SAMD5: variants seen among roughly 807,000 people sequenced by gnomAD.
SAMD5 encodes the protein sterile alpha motif domain-containing protein 5.
Under a neutral mutation model 11.3 loss-of-function variants are expected in SAMD5, and 13 were observed. The observed-to-expected ratio is 1.15, with a 90% confidence interval of 0.75 to 1.83. SAMD5 has a LOEUF of 1.83. Ranked by LOEUF, SAMD5 falls within the 40% of genes most tolerant of loss-of-function variation. The probability of loss-of-function intolerance (pLI) is 0.00; values close to 1 mark genes in which losing one functional copy is unlikely to be tolerated. For synonymous variants in SAMD5, 129 were observed against 111.3 expected, an observed-to-expected ratio of 1.16 and a Z score of -1.00; for missense variants, 255 against 239.1, an observed-to-expected ratio of 1.07 and a Z score of -0.44.
downstream of SAMD5, among the ~76,000 whole-genome samples, chr6:147,570,545 C>T (rs1789121599): frequency 6.6e-6 from 1 of 152,072 alleles, no homozygotes; most frequent in South Asian, 2.1e-4. Context: ...AACTACTGTG[C>T]ATGCTTAACA....
chr6:147,795,900 C>T, the SAMD5 span, among the ~76,000 whole-genome samples: 17 of 152,078 alleles, frequency 1.1e-4, no homozygotes, highest in Admixed American at 5.9e-4. Context: ...TTCGCCCACT[C>T]TTTGATGGGG....
the SAMD5 span, among the ~76,000 whole-genome samples, chr6:147,871,689 G>A: frequency 6.6e-6 from 1 of 152,142 alleles, no homozygotes; most frequent in East Asian, 1.9e-4. Context: ...AGAACCTTAA[G>A]CAACTCACTT....
chr6:147,885,163 T>C, the SAMD5 span, among the ~76,000 whole-genome samples: 1 of 152,184 alleles, frequency 6.6e-6, no homozygotes, highest in Non-Finnish European at 1.5e-5. Context: ...ACAGCTCTTA[T>C]AGTGTTGTCT....
chr6:147,544,212 T>C (rs1328948019), intron 1 of SAMD5, among the ~76,000 whole-genome samples: 1 of 152,222 alleles, frequency 6.6e-6, no homozygotes, highest in African/African-American at 2.4e-5. Flanking sequence ...ATAGTATATT[T>C]AGATATGTCC....
intron 1 of SAMD5, among the ~76,000 whole-genome samples, chr6:147,667,696 A>G (rs1256842433): frequency 6.6e-6 from 1 of 152,228 alleles, no homozygotes; most frequent in Non-Finnish European, 1.5e-5. Context: ...AACATCATGC[A>G]GAATACAGTT....
At chr6:147,859,083 A>G in the SAMD5 span, among the ~76,000 whole-genome samples, 7 of 152,282 alleles carry the variant, frequency 4.6e-5, no homozygotes, top group South Asian at 8.3e-4. Context: ...ATGACTTGGG[A>G]GCAAAGACCT....
chr6:147,831,984 AT>A, the SAMD5 span, among the ~76,000 whole-genome samples: 1,206 of 149,230 alleles, frequency 8.1e-3, 12 homozygotes, highest in Middle Eastern at 0.041. Context: ...TCAAGAAGTT[AT>A]TTTTTTTTTG....
chr6:147,683,280 A>C (rs17077221), intron 1 of SAMD5, among the ~76,000 whole-genome samples: 3,367 of 152,334 alleles, frequency 0.022, 106 homozygotes, highest in African/African-American at 0.077. Flanking sequence ...CATAGGTGAG[A>C]GAGTTGCAAA....
At chr6:147,773,013 CA>C in the SAMD5 span, among the ~76,000 whole-genome samples, 1 of 152,056 alleles carries the variant, frequency 6.6e-6, no homozygotes, top group Non-Finnish European at 1.5e-5. Flanking sequence ...TAGGGAAGTC[CA>C]TAGAGTCACA....
the SAMD5 span, among the ~76,000 whole-genome samples, chr6:147,773,820 G>A: frequency 1.3e-5 from 2 of 152,110 alleles, no homozygotes; most frequent in Non-Finnish European, 2.9e-5. Flanking sequence ...CTCAGGTGGT[G>A]AAAGGGGCAA....
chr6:147,792,243 A>G, the SAMD5 span, among the ~76,000 whole-genome samples: 1 of 152,220 alleles, frequency 6.6e-6, no homozygotes, highest in Non-Finnish European at 1.5e-5. Flanking sequence ...ACTGTACATA[A>G]GCATAATATT....
chr6:147,586,892 C>A lies in SAMD5; in HGVS notation c.162+77505C>A, dbSNP rs924683723. On this transcript the variant is annotated intron_variant, in intron 1 of 1. Transcript: ENST00000566741. ...AAATAAAATTTCAGAATTATGAGAA[C>A]TAATAAACAATTATTTGTACATAAA... Among the ~76,000 whole-genome samples, 24 of 152,174 alleles carry A rather than the reference C, an allele frequency of 1.6e-4. 1 individual carries two copies. The highest frequency in any genetic ancestry group is 5.8e-4 in the African/African-American group (24 of 41,560).
the SAMD5 span, among the ~76,000 whole-genome samples, chr6:147,887,436 A>G: frequency 1.3e-5 from 2 of 152,210 alleles, no homozygotes; most frequent in Non-Finnish European, 2.9e-5. Flanking sequence ...TGTTTTGTCT[A>G]GCTTCTTTCA....
the SAMD5 span, among the ~76,000 whole-genome samples, chr6:147,885,377 G>A: frequency 6.6e-5 from 10 of 152,058 alleles, no homozygotes; most frequent in East Asian, 5.8e-4. Context: ...TAGGACTTTC[G>A]CTTGATAACA....
At chr6:147,713,373 C>G (rs56713366) in intron 1 of SAMD5, among the ~76,000 whole-genome samples, 1 of 152,000 alleles carries the variant, frequency 6.6e-6, no homozygotes, top group Admixed American at 6.6e-5. Context: ...CTTGGTTTGC[C>G]GAGTCGAGTG....
the SAMD5 span, among the ~76,000 whole-genome samples, chr6:147,836,570 G>T: frequency 6.6e-6 from 1 of 152,122 alleles, no homozygotes; most frequent in Non-Finnish European, 1.5e-5. Flanking sequence ...TATTGAATAT[G>T]TCATGTAATT....
At chr6:147,850,493 G>A in the SAMD5 span, among the ~76,000 whole-genome samples, 7 of 152,184 alleles carry the variant, frequency 4.6e-5, 1 homozygote, top group South Asian at 1.5e-3. Flanking sequence ...GAGAAATACA[G>A]CAGTAATACA....
At chr6:147,755,314 G>A in the SAMD5 span, among the ~76,000 whole-genome samples, 9 of 151,980 alleles carry the variant, frequency 5.9e-5, no homozygotes, top group South Asian at 4.1e-4. Context: ...AATTTTATGC[G>A]TGGCTATAGT....
At chr6:147,641,644 G>A (rs928039179) in intron 1 of SAMD5, among the ~76,000 whole-genome samples, 11 of 149,476 alleles carry the variant, frequency 7.4e-5, no homozygotes, top group Non-Finnish European at 1.0e-4. Flanking sequence ...TGTCTGTAAC[G>A]AGTGTGTGTA....
Sources: allele counts gnomAD v4.1 joint callset (sites outside exome capture counted in the v4.1 genomes callset), GRCh38; gene constraint gnomAD v4.1.1; transcripts MANE v1.5; gene names NCBI Gene and HGNC (gene_info 2026-07-23, HGNC 2026-07-21).